The following NGF variants were observed in gnomAD, a reference collection of about 807,000 sequenced individuals.
NGF encodes the protein nerve growth factor.
Under a neutral mutation model 12.8 loss-of-function variants are expected in NGF, and 4 were observed. That is an observed-to-expected ratio of 0.31 (90% CI 0.15 to 0.72). The LOEUF is 0.72. Ranked by LOEUF, NGF falls within the 30% of genes least tolerant of loss-of-function variation. The pLI is 0.69. For missense variants in NGF, 283 were observed against 330.8 expected (o/e 0.86, Z 1.12); for synonymous variants, 140 against 130.0 (o/e 1.08, Z -0.52).
chr1:115,328,762 G>A (rs1213765749), intron 1 of NGF, among the ~76,000 whole-genome samples: 2 of 152,178 alleles, frequency 1.3e-5, no homozygotes, highest in South Asian at 2.1e-4. Context: ...GCCATGAAAG[G>A]CCATGCTACC....
chr1:115,301,169 T>G (rs910531158), intron 1 of NGF, among the ~76,000 whole-genome samples: 3 of 152,178 alleles, frequency 2.0e-5, no homozygotes, highest in Admixed American at 2.0e-4. Flanking sequence ...TGGGGAAATT[T>G]ACTCTGGAGC....
chr1:115,330,929 G>T (rs1177188814), intron 1 of NGF, among the ~76,000 whole-genome samples: 1 of 152,128 alleles, frequency 6.6e-6, no homozygotes, highest in East Asian at 1.9e-4. Flanking sequence ...GCTTTTAAAG[G>T]GTGGGATTCT....
intron 1 of NGF, among the ~76,000 whole-genome samples, chr1:115,294,484 GT>G (rs1322173323): frequency 6.6e-6 from 1 of 152,262 alleles, no homozygotes; most frequent in African/African-American, 2.4e-5. Context: ...GCCAGGCACT[GT>G]TTTTGGTGCT....
At chr1:115,298,314 C>T (rs1007847473) in intron 1 of NGF, among the ~76,000 whole-genome samples, 1 of 152,094 alleles carries the variant, frequency 6.6e-6, no homozygotes, top group Non-Finnish European at 1.5e-5. Flanking sequence ...TGATTTTTTC[C>T]CCCCAAAAGA....
intron 2 of NGF, among the ~76,000 whole-genome samples, chr1:115,287,279 G>C (rs563812933): frequency 2.0e-5 from 3 of 152,324 alleles, no homozygotes; most frequent in African/African-American, 7.2e-5. Flanking sequence ...GCACGGGGAA[G>C]ATCTGCTGGG....
intron 1 of NGF, among the ~76,000 whole-genome samples, chr1:115,320,851 G>A (rs930343804): frequency 1.3e-5 from 2 of 152,224 alleles, no homozygotes; most frequent in African/African-American, 4.8e-5. Context: ...TTTCTGCTGT[G>A]TGATTATCCG....
chr1:115,334,257 CT>C (rs1655049536), intron 1 of NGF, among the ~76,000 whole-genome samples: 1 of 152,134 alleles, frequency 6.6e-6, no homozygotes, highest in African/African-American at 2.4e-5. Flanking sequence ...GTGTTGGGGG[CT>C]TCTGCTTCAG....
intron 1 of NGF, among the ~76,000 whole-genome samples, chr1:115,332,332 T>C (rs1456578217): frequency 6.6e-6 from 1 of 152,208 alleles, no homozygotes; most frequent in Admixed American, 6.5e-5. Context: ...AATCGCAAGA[T>C]GAAATGTTTG....
intron 1 of NGF, among the ~76,000 whole-genome samples, chr1:115,331,364 G>A (rs1216915902): frequency 1.3e-5 from 2 of 152,196 alleles, no homozygotes; most frequent in Non-Finnish European, 2.9e-5. Flanking sequence ...CTATGGGACA[G>A]CCCCTCACTG....
chr1:115,289,090 T>G (rs1653605309), intron 2 of NGF, among the ~76,000 whole-genome samples: 1 of 152,256 alleles, frequency 6.6e-6, no homozygotes, highest in South Asian at 2.1e-4. Flanking sequence ...GGCAATGGCA[T>G]ATCTGGGGTT....
intron 1 of NGF, among the ~76,000 whole-genome samples, chr1:115,330,131 T>C (rs1458240017): frequency 6.6e-6 from 1 of 152,182 alleles, no homozygotes; most frequent in Non-Finnish European, 1.5e-5. Context: ...TGCTTGATCT[T>C]AGTGGATGCT....
At chr1:115,327,247 AT>A (rs1297853555) in intron 1 of NGF, among the ~76,000 whole-genome samples, 1 of 152,304 alleles carries the variant, frequency 6.6e-6, no homozygotes, top group South Asian at 2.1e-4. Context: ...TAAAATTATT[AT>A]TTTTTGGCTT....
Position 115,286,583 on chromosome 1 carries a change from A to G in NGF, c.213T>C (p.Thr71=), listed in dbSNP as rs1281047629. The change falls in exon 3 of 3, where the codon ACT becomes ACC. Residue 71 remains threonine (T), a synonymous_variant. Coordinates refer to ENST00000369512, the MANE Select transcript of NGF (RefSeq NM_002506.3). Reference sequence around the variant, plus strand: ...GCTTTTTAAACAGCCTGGGGTCCACAGTAATGTTGCGGGTCTGCCCCGCCA... The same window carrying G: ...GCTTTTTAAACAGCCTGGGGTCCACGGTAATGTTGCGGGTCTGCCCCGCCA... ...ARVAGQTRNI[T]VDPRLFKKRR... 2 of 1,614,218 alleles carry G rather than the reference A, an allele frequency of 1.2e-6. No individual in the cohort carries two copies. Among genetic ancestry groups the G allele is most frequent in the Admixed American group, 1.7e-5 (1 of 60,030 alleles).
At chr1:115,319,038 G>A (rs543100011) in intron 1 of NGF, among the ~76,000 whole-genome samples, 1 of 152,302 alleles carries the variant, frequency 6.6e-6, no homozygotes, top group African/African-American at 2.4e-5. Context: ...TAGCGTCCTG[G>A]TGGGGAGACA....
intron 1 of NGF, among the ~76,000 whole-genome samples, chr1:115,309,188 T>A (rs568437284): frequency 6.6e-5 from 10 of 152,322 alleles, no homozygotes; most frequent in African/African-American, 1.9e-4. Context: ...GAATTACTCA[T>A]CTGACTGCCT....
At chr1:115,313,398 C>G (rs2101042244) in intron 1 of NGF, among the ~76,000 whole-genome samples, 1 of 152,292 alleles carries the variant, frequency 6.6e-6, no homozygotes, top group African/African-American at 2.4e-5. Context: ...AGGCTGCTGG[C>G]CCAGACCCTT....
rs1269254495 is a variant in NGF at position 115,286,065 on chromosome 1, G to C, written c.*5C>G. 6.2e-7 allele frequency: 1 copy of C among 1,612,654 alleles called. No homozygotes were observed. Among genetic ancestry groups the C allele is most frequent in the East Asian group, 2.2e-5 (1 of 44,836 alleles). On this transcript the variant is annotated 3_prime_UTR_variant, in exon 3 of 3. Coordinates refer to ENST00000369512, the MANE Select transcript of NGF (RefSeq NM_002506.3). ...AGGGGCAGGGGGAGGGAGCGTGTCG[G>C]CAGGTCAGGCTCTTCTCACAGCCTT...
chr1:115,333,655 C>CTCTTTCTTCCTT (rs1654989629), intron 1 of NGF, among the ~76,000 whole-genome samples: 1 of 135,104 alleles, frequency 7.4e-6, no homozygotes, highest in Non-Finnish European at 1.6e-5. Flanking sequence ...TTCTTTCTTT[C>CTCTTTCTTCCTT]TCTTTCTTTC....
Position 115,324,345 on chromosome 1 carries a change from G to A in NGF, c.-137+13859C>T, listed in dbSNP as rs141609673. Among the ~76,000 whole-genome samples the A allele has an allele frequency of 2.7e-3, 409 of 152,248 alleles. 2 individuals carry two copies. Among genetic ancestry groups the A allele is most frequent in the African/African-American group, 9.5e-3 (393 of 41,550 alleles). On this transcript the variant is annotated intron_variant, in intron 1 of 2. Coordinates refer to ENST00000369512, the MANE Select transcript of NGF (RefSeq NM_002506.3). ...CAGTCTCTGCCAGGCTACATGAAAGGTTTGATTTTGTCCCTTATCTGCCTT... is the reference window on the plus strand; with the variant it reads ...CAGTCTCTGCCAGGCTACATGAAAGATTTGATTTTGTCCCTTATCTGCCTT...
Sources: allele counts gnomAD v4.1 joint callset (sites outside exome capture counted in the v4.1 genomes callset), GRCh38; gene constraint gnomAD v4.1.1; transcripts MANE v1.5; gene names NCBI Gene and HGNC (gene_info 2026-07-23, HGNC 2026-07-21).